ENOX1: variants seen among roughly 807,000 people sequenced by gnomAD.
ENOX1 encodes the protein ecto-NOX disulfide-thiol exchanger 1.
A neutral mutation model predicts 82.5 loss-of-function variants in ENOX1; 42 were observed. The observed-to-expected ratio is 0.51, with a 90% CI of 0.40 to 0.66. The LOEUF (loss-of-function observed/expected upper bound fraction) is 0.66. ENOX1 is among the 30% of genes least tolerant of loss of function. The pLI is 0.00. For synonymous variants in ENOX1, 271 were observed against 282.2 expected (o/e 0.96, Z 0.40); for missense variants, 608 against 811.6 (o/e 0.75, Z 3.05).
intron 2 of ENOX1, among the ~76,000 whole-genome samples, chr13:43,548,588 T>G (rs2079064087): frequency 6.6e-6 from 1 of 152,180 alleles, no homozygotes; most frequent in African/African-American, 2.4e-5. Flanking sequence ...ACAACGAAAC[T>G]TCTTCTGGGA....
intron 14 of ENOX1, among the ~76,000 whole-genome samples, chr13:43,238,129 T>C (rs997380072): frequency 7.9e-5 from 12 of 152,270 alleles, no homozygotes; most frequent in Middle Eastern, 6.8e-3. Flanking sequence ...AGGCTGATGG[T>C]AGGAAAATCC....
At chr13:43,442,826 A>G (rs969414975) in intron 3 of ENOX1, among the ~76,000 whole-genome samples, 2 of 152,156 alleles carry the variant, frequency 1.3e-5, no homozygotes, top group African/African-American at 4.8e-5. Context: ...CATGCAAGTA[A>G]TTTTTTATTA....
chr13:43,507,755 A>G (rs755235116), intron 2 of ENOX1, among the ~76,000 whole-genome samples: 46 of 152,038 alleles, frequency 3.0e-4, no homozygotes, highest in Admixed American at 1.6e-3. Flanking sequence ...GGTATCTAGG[A>G]AAAAGGGGAT....
intron 1 of ENOX1, among the ~76,000 whole-genome samples, chr13:43,749,648 C>T (rs1048903884): frequency 1.3e-5 from 2 of 152,200 alleles, no homozygotes; most frequent in Non-Finnish European, 2.9e-5. Flanking sequence ...TACACAACCA[C>T]TGATCTCTGA....
intron 1 of ENOX1, among the ~76,000 whole-genome samples, chr13:43,680,615 T>C (rs2085738424): frequency 6.6e-6 from 1 of 152,188 alleles, no homozygotes; most frequent in African/African-American, 2.4e-5. Flanking sequence ...TTAACCTCTC[T>C]GATTCAGTGT....
At chr13:43,688,464 T>A (rs1676608995) in intron 1 of ENOX1, among the ~76,000 whole-genome samples, 1 of 152,150 alleles carries the variant, frequency 6.6e-6, no homozygotes, top group Admixed American at 6.5e-5. Flanking sequence ...AAGGACTAGA[T>A]AAGAAATGCT....
rs142505621 is a variant in ENOX1, at chr13:43,665,359, T to C, written c.-219+2120A>G. On this transcript the variant is annotated intron_variant, in intron 2 of 16. Transcript: ENST00000690772. ...TTTAAGTGCTACCTTGAGACCAGTA[T>C]CCTAATAATTTATCAACACCCAAAT... 5.1e-4 allele frequency among the ~76,000 whole-genome samples: 78 copies of C among 152,290 alleles called. 1 individual carries two copies. Among genetic ancestry groups the C allele is most frequent in the African/African-American group, 1.8e-3 (73 of 41,564 alleles).
chr13:43,771,646 C>T (rs1164034290), intron 1 of ENOX1, among the ~76,000 whole-genome samples: 2 of 152,104 alleles, frequency 1.3e-5, no homozygotes, highest in Admixed American at 6.6e-5. Context: ...CAAAGGCAAA[C>T]AGAAGTCAAA....
chr13:43,227,611 G>C (rs1337407386), intron 15 of ENOX1, among the ~76,000 whole-genome samples: 1 of 152,120 alleles, frequency 6.6e-6, no homozygotes, highest in Admixed American at 6.5e-5. Context: ...TGGATGTTTT[G>C]AGCAAGGAAA....
intron 1 of ENOX1, among the ~76,000 whole-genome samples, chr13:43,777,524 A>G (rs1951985841): frequency 6.6e-6 from 1 of 151,320 alleles, no homozygotes; most frequent in Non-Finnish European, 1.5e-5. Flanking sequence ...AAGATATCAC[A>G]GGATCTCTCT....
chr13:43,603,364 TTTTA>T (rs748645349), intron 2 of ENOX1, among the ~76,000 whole-genome samples: 62 of 114,898 alleles, frequency 5.4e-4, no homozygotes, highest in Non-Finnish European at 7.9e-4. Flanking sequence ...TTTTTTTTCC[TTTTA>T]TTTATTTTAT....
chr13:43,425,665 G>T (rs980884860), intron 3 of ENOX1, among the ~76,000 whole-genome samples: 2 of 152,124 alleles, frequency 1.3e-5, no homozygotes, highest in Admixed American at 6.5e-5. Context: ...GAGGCATAAG[G>T]TCTACAATAA....
chr13:43,297,478 A>G (rs1233507277), intron 12 of ENOX1, among the ~76,000 whole-genome samples: 2 of 152,210 alleles, frequency 1.3e-5, no homozygotes, highest in Non-Finnish European at 2.9e-5. Flanking sequence ...GGATAATTTA[A>G]AAATACCCAT....
chr13:43,237,908 T>C (rs1338957334), intron 14 of ENOX1, among the ~76,000 whole-genome samples: 2 of 152,220 alleles, frequency 1.3e-5, no homozygotes, highest in Non-Finnish European at 2.9e-5. Context: ...GAAATTGCCA[T>C]GAAAGAAGGC....
intron 13 of ENOX1, among the ~76,000 whole-genome samples, chr13:43,266,601 A>G (rs1045524125): frequency 6.6e-6 from 1 of 152,190 alleles, no homozygotes; most frequent in Non-Finnish European, 1.5e-5. Flanking sequence ...CTCTAGGGCA[A>G]CATCATTGAT....
intron 2 of ENOX1, among the ~76,000 whole-genome samples, chr13:43,520,364 C>A (rs9316032): frequency 0.35 from 53,018 of 151,950 alleles, 10,981 homozygotes; most frequent in East Asian, 0.81. Context: ...CACACACACA[C>A]GGTATCTTGA....
At chr13:43,768,677 A>G (rs1459475722) in intron 1 of ENOX1, among the ~76,000 whole-genome samples, 1 of 152,212 alleles carries the variant, frequency 6.6e-6, no homozygotes, top group Non-Finnish European at 1.5e-5. Flanking sequence ...TTTCTTTAGC[A>G]TATTTACAGC....
chr13:43,329,972 A>G (rs1277655992), intron 9 of ENOX1, among the ~76,000 whole-genome samples: 2 of 152,206 alleles, frequency 1.3e-5, no homozygotes, highest in African/African-American at 4.8e-5. Context: ...CTCTAAGAGT[A>G]TGCCCTAATG....
intron 3 of ENOX1, among the ~76,000 whole-genome samples, chr13:43,470,344 A>ACG (rs2057979283): frequency 1.7e-4 from 2 of 11,534 alleles, no homozygotes; most frequent in East Asian, 4.9e-3. Context: ...ATATATACGT[A>ACG]TATATATATG....
Sources: allele counts gnomAD v4.1 joint callset (sites outside exome capture counted in the v4.1 genomes callset), GRCh38; gene constraint gnomAD v4.1.1; transcripts MANE v1.5; gene names NCBI Gene and HGNC (gene_info 2026-07-23, HGNC 2026-07-21).